The following FAM227A variants were observed in gnomAD, a reference collection of about 807,000 sequenced individuals.
The protein encoded by FAM227A is protein FAM227A.
A neutral mutation model predicts 74.7 loss-of-function variants in FAM227A; 80 were observed. That is an observed-to-expected ratio of 1.07 (90% CI 0.89 to 1.29). FAM227A has a LOEUF of 1.29. FAM227A is among the 50% of genes most tolerant of loss of function. The probability of loss-of-function intolerance (pLI) is 0.00; values close to 1 mark genes in which losing one functional copy is unlikely to be tolerated. For synonymous variants in FAM227A, 237 were observed against 241.8 expected (o/e 0.98, Z 0.19); for missense variants, 654 against 683.4 (o/e 0.96, Z 0.48).
intron 3 of FAM227A, among the ~76,000 whole-genome samples, chr22:38,642,123 T>C (rs1411777370): frequency 1.3e-5 from 2 of 152,176 alleles, no homozygotes; most frequent in Non-Finnish European, 2.9e-5. Flanking sequence ...CAATAATAAG[T>C]AAAGCTGAAT....
chr22:38,639,356 CAGAGA>C lies in FAM227A; in HGVS notation c.295+294_295+298del, dbSNP rs1322167987. 2.0e-5 allele frequency among the ~76,000 whole-genome samples: 3 copies of C among 148,768 alleles called. No homozygotes were observed. The East Asian group carries it at 6.0e-4, about 30-fold the overall frequency. On this transcript the variant is annotated intron_variant, in intron 4 of 16. Transcript: ENST00000535113. ...CCCGGGAGGCGGAGGTTGCAGTGAG[CAGAGA>C]TTACGCCACTGCACTCCAGCCTGGG...
chr22:38,649,877 AAAGAAAGAAAAG>A, intron 2 of FAM227A, 138 bp downstream of exon 2: 7 of 585,160 alleles, frequency 1.2e-5, no homozygotes, highest in African/African-American at 8.2e-5. Context: ...CAAAAAAAAA[AAAGAAAGAAAAG>A]AAAAGAAAAA....
chr22:38,620,650 A>AG (rs2091669263), intron 10 of FAM227A, among the ~76,000 whole-genome samples: 1 of 151,918 alleles, frequency 6.6e-6, no homozygotes, highest in African/African-American at 2.4e-5. Flanking sequence ...AAAAAAAAAA[A>AG]TACAAAAAAT....
At chr22:38,624,273 C>A (rs184735508) in intron 9 of FAM227A, among the ~76,000 whole-genome samples, 1 of 152,028 alleles carries the variant, frequency 6.6e-6, no homozygotes, top group African/African-American at 2.4e-5. Flanking sequence ...GGCATGGTGG[C>A]ATGCACCTGT....
At chr22:38,590,118 A>C (rs1242184695) in intron 16 of FAM227A, among the ~76,000 whole-genome samples, 1 of 119,528 alleles carries the variant, frequency 8.4e-6, no homozygotes, top group Non-Finnish European at 1.8e-5. Flanking sequence ...CAAAACAAAA[A>C]AACGAAAAAA....
At chr22:38,623,308 G>C in intron 9 of FAM227A, 29 bp from the exon 10 acceptor site, 2 of 1,450,060 alleles carry the variant, frequency 1.4e-6, no homozygotes, top group South Asian at 1.2e-5. Context: ...GTGAGAATGG[G>C]GCCGGGTGCG....
chr22:38,621,074 C>A (rs193026427), intron 10 of FAM227A, among the ~76,000 whole-genome samples: 1 of 151,806 alleles, frequency 6.6e-6, no homozygotes, highest in Non-Finnish European at 1.5e-5. Flanking sequence ...TGGTGGCTCA[C>A]GCCTATAATC....
At chr22:38,642,528 G>A (rs1013090884) in intron 3 of FAM227A, among the ~76,000 whole-genome samples, 4 of 152,190 alleles carry the variant, frequency 2.6e-5, no homozygotes, top group South Asian at 2.1e-4. Flanking sequence ...GTTAGATTTC[G>A]TTAAAATTAA....
At chr22:38,632,871 G>A (rs1203868404) in intron 6 of FAM227A, among the ~76,000 whole-genome samples, 2 of 152,200 alleles carry the variant, frequency 1.3e-5, no homozygotes, top group African/African-American at 2.4e-5. Flanking sequence ...ATTGACTCGG[G>A]ACACTTTCAG....
chr22:38,655,256 G>A (rs2092376553), intron 1 of FAM227A, among the ~76,000 whole-genome samples: 1 of 151,950 alleles, frequency 6.6e-6, no homozygotes, highest in Admixed American at 6.6e-5. Context: ...TTGGCCAGGC[G>A]CAGTGGCCCG....
At chr22:38,641,852 A>G (rs1008403855) in intron 3 of FAM227A, among the ~76,000 whole-genome samples, 2 of 152,174 alleles carry the variant, frequency 1.3e-5, no homozygotes, top group Non-Finnish European at 2.9e-5. Context: ...CCAAAAAGAC[A>G]CTTACAGATG....
At chr22:38,591,945 CT>C (rs1332250146) in intron 15 of FAM227A, among the ~76,000 whole-genome samples, 3 of 151,506 alleles carry the variant, frequency 2.0e-5, no homozygotes, top group African/African-American at 7.3e-5. Flanking sequence ...TCAACAATAT[CT>C]TTTTTTCTTT....
chr22:38,653,533 T>C (rs1036748884), intron 1 of FAM227A, among the ~76,000 whole-genome samples: 15 of 152,030 alleles, frequency 9.9e-5, no homozygotes, highest in African/African-American at 3.6e-4. Context: ...CACGCCACCA[T>C]GCCTGGCTAA....
Position 38,587,189 on chromosome 22 carries a change from T to C in FAM227A, c.1639-990A>G, listed in dbSNP as rs540010140. 2.6e-5 allele frequency among the ~76,000 whole-genome samples: 4 copies of C among 152,262 alleles called. No homozygotes were observed. In the South Asian group the frequency reaches 8.3e-4, roughly 32 times the overall value. On this transcript the variant is annotated intron_variant, in intron 16 of 16. Transcript: ENST00000535113. ...AAAAACAAGAAACATCTCAAATCAA[T>C]AACTTCACTTTATGACTTATGGGCC...
At chr22:38,601,396 A>AT (rs1428408926) in intron 13 of FAM227A, among the ~76,000 whole-genome samples, 7 of 141,400 alleles carry the variant, frequency 5.0e-5, no homozygotes, top group African/African-American at 1.8e-4. Flanking sequence ...CCAGCCACTG[A>AT]TATGTGCTTG....
At position 38,650,141 on chromosome 22, in the gene FAM227A, T is replaced by A. The variant is rs1241323842; in HGVS notation, c.28A>T (p.Ile10Phe). 6.4e-7 allele frequency: 1 copy of A among 1,551,710 alleles called. No homozygotes were observed. Among genetic ancestry groups the A allele is most frequent in the African/African-American group, 1.4e-5 (1 of 73,058 alleles). The part of the protein sequence containing the change: MNHFRKMEV[I>F]NLTTLPMIPV... Reference sequence around the variant, plus strand: ...ATCATAGGTAGGGTGGTGAGGTTGATGACCTCCATCTTCCTGAAGTGATTC... The same window carrying A: ...ATCATAGGTAGGGTGGTGAGGTTGAAGACCTCCATCTTCCTGAAGTGATTC... Residue 10 changes from isoleucine (I) to phenylalanine (F), a missense_variant, in exon 2 of 17, where the codon ATC becomes TTC. Physicochemically the swap from Ile to Phe is conservative, Grantham distance 21. Transcript: ENST00000535113.
chr22:38,589,347 C>T lies in FAM227A; in HGVS notation c.1638+2088G>A, dbSNP rs568751234. 5.9e-5 allele frequency among the ~76,000 whole-genome samples: 9 copies of T among 152,008 alleles called. No homozygotes were observed. The South Asian group carries it at 1.0e-3, about 18-fold the overall frequency. Reference sequence around the variant, plus strand: ...CCAGAACTGTGAGAAAATACATTTACGTTGTTTGAAAAAGAAAAGAAATAT... The same window carrying T: ...CCAGAACTGTGAGAAAATACATTTATGTTGTTTGAAAAAGAAAAGAAATAT... On this transcript the variant is annotated intron_variant, in intron 16 of 16. Coordinates refer to ENST00000535113, the MANE Select transcript of FAM227A (RefSeq NM_001013647.2).
At chr22:38,595,356 C>T (rs1361007858) in intron 15 of FAM227A, among the ~76,000 whole-genome samples, 2 of 152,120 alleles carry the variant, frequency 1.3e-5, no homozygotes, top group Non-Finnish European at 2.9e-5. Flanking sequence ...GCTTCCCTTG[C>T]AGACAGGGTG....
chr22:38,649,459 G>A (rs906203052), intron 2 of FAM227A, among the ~76,000 whole-genome samples: 2 of 150,028 alleles, frequency 1.3e-5, no homozygotes, highest in African/African-American at 2.5e-5. Context: ...CCAGCTACTC[G>A]GGAGGCTGAG....
Sources: allele counts gnomAD v4.1 joint callset (sites outside exome capture counted in the v4.1 genomes callset), GRCh38; gene constraint gnomAD v4.1.1; transcripts MANE v1.5; gene names NCBI Gene and HGNC (gene_info 2026-07-23, HGNC 2026-07-21).